The following FANCI variants were observed in gnomAD, a reference collection of about 807,000 sequenced individuals.
FANCI encodes Fanconi anemia group I protein.
Under a neutral mutation model 176.1 loss-of-function variants are expected in FANCI, and 156 were observed. That is an observed-to-expected ratio of 0.89 (90% CI 0.78 to 1.01). The LOEUF (loss-of-function observed/expected upper bound fraction) is 1.01, where lower values mean the gene tolerates loss of function less well. Ranked by LOEUF, FANCI falls within the 50% of genes least tolerant of loss-of-function variation. The pLI is 0.00. For synonymous variants in FANCI, 613 were observed against 541.7 expected (o/e 1.13, Z -1.83); for missense variants, 1,678 against 1,534.1 (o/e 1.09, Z -1.57).
intron 27 of FANCI, among the ~76,000 whole-genome samples, chr15:89,302,877 A>C (rs548644591): frequency 4.6e-5 from 7 of 152,164 alleles, no homozygotes; most frequent in Admixed American, 4.6e-4. Context: ...CTGGCCAAAA[A>C]TTTTTAATTT....
At chr15:89,250,084 T>G (rs894106994) in intron 2 of FANCI, among the ~76,000 whole-genome samples, 5 of 152,192 alleles carry the variant, frequency 3.3e-5, no homozygotes. Flanking sequence ...AAAGACACTT[T>G]TACTTGGAAA....
intron 2 of FANCI, 43 bp downstream of exon 2, chr15:89,247,774 C>A (rs767568047): frequency 6.6e-7 from 1 of 1,518,858 alleles, no homozygotes; most frequent in South Asian, 1.1e-5. Flanking sequence ...AAATGTCAGG[C>A]ATGATGACAC....
intron 2 of FANCI, 151 bp from the exon 3 acceptor site, chr15:89,258,553 C>G (rs917780872): frequency 1.4e-6 from 1 of 721,678 alleles, no homozygotes. Flanking sequence ...TTAAGATATA[C>G]CCTCCTCTGT....
At chr15:89,290,094 T>A (rs879356878) in intron 18 of FANCI, 119 bp from the exon 19 acceptor site, 2 of 809,534 alleles carry the variant, frequency 2.5e-6, no homozygotes, top group African/African-American at 3.4e-5. Flanking sequence ...CTGTCAAATA[T>A]GGTCTCAATA....
intron 25 of FANCI, 147 bp from the exon 26 acceptor site, chr15:89,300,153 T>C: frequency 2.0e-6 from 2 of 1,009,798 alleles, no homozygotes; most frequent in Admixed American, 4.2e-5. Flanking sequence ...GGCTGGAAAA[T>C]GGAATATAGT....
intron 34 of FANCI, among the ~76,000 whole-genome samples, chr15:89,311,399 A>G (rs1005321233): frequency 5.3e-5 from 8 of 152,222 alleles, no homozygotes; most frequent in African/African-American, 1.9e-4. Flanking sequence ...AGCCTGGGCG[A>G]CAGAGTGAAA....
intron 34 of FANCI, among the ~76,000 whole-genome samples, chr15:89,311,322 G>A (rs1410399091): frequency 6.6e-6 from 1 of 152,182 alleles, no homozygotes; most frequent in Non-Finnish European, 1.5e-5. Flanking sequence ...GGGAAGCTGA[G>A]GCAGGAGAAT....
Position 89,276,735 on chromosome 15 carries a change from T to C in FANCI, c.1137T>C (p.Thr379=), listed in dbSNP as rs1465113639. ...GCGTTCATAGCTGGGACCATGTTACTCAGGGCCTCGTAGAACTTGGTTTCA... is the reference window on the plus strand; with the variant it reads ...GCGTTCATAGCTGGGACCATGTTACCCAGGGCCTCGTAGAACTTGGTTTCA... ...KNSVHSWDHV[T]QGLVELGFIL... is the part of the protein sequence containing the mutation. The change falls in exon 13 of 38, where the codon ACT becomes ACC. Residue 379 remains threonine (T), a synonymous_variant. Transcript: ENST00000310775. 6.2e-7 allele frequency: 1 copy of C among 1,614,184 alleles called. No homozygotes were observed. Among genetic ancestry groups the C allele is most frequent in the South Asian group, 1.1e-5 (1 of 91,090 alleles).
At chr15:89,249,368 A>G (rs1339691355) in intron 2 of FANCI, among the ~76,000 whole-genome samples, 3 of 152,208 alleles carry the variant, frequency 2.0e-5, no homozygotes, top group Non-Finnish European at 4.4e-5. Flanking sequence ...TATTTATTTA[A>G]AGGTGGGATC....
At chr15:89,283,058 A>G (rs1350483561) in intron 16 of FANCI, 78 bp from the exon 17 acceptor site, 34 of 1,417,150 alleles carry the variant, frequency 2.4e-5, no homozygotes, top group Non-Finnish European at 1.9e-5. Context: ...TCTGTATGCA[A>G]CTAGCTGGAT....
In FANCI at chr15:89,266,368, G is replaced by T. The variant is rs192786299; in HGVS notation, c.755+1761G>T. On this transcript the variant is annotated intron_variant, in intron 9 of 37. Transcript: ENST00000310775. The stretch of plus-strand genomic sequence containing the variant: ...TTTTGAGAGGAAGTCTCACTGTGTT[G>T]CCCAGGCTGGAGTACATTGGCATGA... Among the ~76,000 whole-genome samples, 6 of 144,252 alleles carry T rather than the reference G, an allele frequency of 4.2e-5. No homozygotes were observed. The East Asian group carries it at 6.1e-4, about 15-fold the overall frequency. The allele number at this position is 144,252 out of a possible 152,430, so 94.6% of individuals were successfully genotyped here.
At chr15:89,286,279 C>A (rs946269242) in intron 18 of FANCI, among the ~76,000 whole-genome samples, 1 of 152,222 alleles carries the variant, frequency 6.6e-6, no homozygotes, top group Admixed American at 6.5e-5. Flanking sequence ...AGGCGTGAGC[C>A]ACCATGCCTG....
At chr15:89,316,217 CT>C (rs1400470543) in intron 37 of FANCI, 179 bp from the exon 38 acceptor site, 3 of 666,698 alleles carry the variant, frequency 4.5e-6, no homozygotes, top group Non-Finnish European at 8.0e-6. Context: ...TTACTCTACA[CT>C]TTGGAGGACT....
intron 24 of FANCI, among the ~76,000 whole-genome samples, chr15:89,296,155 G>T (rs573607542): frequency 6.6e-6 from 1 of 152,252 alleles, no homozygotes; most frequent in East Asian, 1.9e-4. Flanking sequence ...AGTAGAGACA[G>T]GGTTTCACCA....
chr15:89,274,426 C>A, intron 12 of FANCI, 122 bp downstream of exon 12: 1 of 1,049,636 alleles, frequency 9.5e-7, no homozygotes, highest in Non-Finnish European at 1.4e-6. Flanking sequence ...TGACGTCACA[C>A]ATCGAGGTTC....
At chr15:89,314,853 T>TC (rs2055154311) in intron 36 of FANCI, 146 bp downstream of exon 36, 1 of 575,184 alleles carries the variant, frequency 1.7e-6, no homozygotes, top group East Asian at 3.2e-5. Flanking sequence ...CCCCCCCTTT[T>TC]TTTTTTTGAG....
intron 16 of FANCI, 85 bp downstream of exon 16, chr15:89,281,920 C>T (rs1012298506): frequency 8.3e-7 from 1 of 1,202,302 alleles, no homozygotes. Context: ...CTAGTACCAC[C>T]TGTTCACAGT....
At position 89,316,886 on chromosome 15, in the gene FANCI, G is replaced by T. The variant is rs2055286217; in HGVS notation, c.*427G>T. On this transcript the variant is annotated 3_prime_UTR_variant, in exon 38 of 38. Transcript: ENST00000310775. ...CTCAAGAACTGTAACTGAGAGCTCA[G>T]AAGTGAGCAAAGGAGCTTAATGCTA... The T allele has an allele frequency of 3.2e-6, 4 of 1,248,508 alleles. No individual in the cohort carries two copies. The highest frequency in any genetic ancestry group is 1.7e-5 in the Admixed American group (1 of 59,486). The allele number at this position is 1,248,508 out of a possible 1,614,324, so 77.3% of individuals were successfully genotyped here. A position where few individuals can be genotyped will look rare whatever the true frequency, so the allele number is the denominator to read the frequency against.
intron 36 of FANCI, among the ~76,000 whole-genome samples, chr15:89,315,001 G>C (rs1350988052): frequency 6.6e-6 from 1 of 151,956 alleles, no homozygotes; most frequent in African/African-American, 2.4e-5. Flanking sequence ...TAGAGATGGG[G>C]TCTCACTATG....
Sources: allele counts gnomAD v4.1 joint callset (sites outside exome capture counted in the v4.1 genomes callset), GRCh38; gene constraint gnomAD v4.1.1; transcripts MANE v1.5; gene names NCBI Gene and HGNC (gene_info 2026-07-23, HGNC 2026-07-21).